Variants in MARCHF4 observed in about 807,000 individuals in gnomAD.
The protein encoded by MARCHF4 is E3 ubiquitin-protein ligase MARCHF4.
A neutral mutation model predicts 43.9 loss-of-function variants in MARCHF4; 14 were observed. That is an observed-to-expected ratio of 0.32 (90% CI 0.21 to 0.50). MARCHF4 has a LOEUF of 0.50. MARCHF4 is among the 20% of genes least tolerant of loss of function. MARCHF4 has a pLI of 0.98. For missense variants in MARCHF4, 468 were observed against 536.7 expected (o/e 0.87, Z 1.27); for synonymous variants, 226 against 213.3 (o/e 1.06, Z -0.52).
intron 1 of MARCHF4, among the ~76,000 whole-genome samples, chr2:216,299,715 T>C (rs146373833): frequency 1.3e-5 from 2 of 152,354 alleles, no homozygotes; most frequent in African/African-American, 4.8e-5. Context: ...TGCATATGCA[T>C]TCCAAAATTA....
chr2:216,269,101 A>G lies in MARCHF4; in HGVS notation c.865+8571T>C, dbSNP rs74330475. ...CTACTGTTTTAAAGCTTTGGAAATA[A>G]TCTCAGGAACATTCCTTTCCTTCCT... On this transcript the variant is annotated intron_variant, in intron 3 of 3. Coordinates refer to ENST00000273067, the MANE Select transcript of MARCHF4 (RefSeq NM_020814.3). Among the ~76,000 whole-genome samples the G allele has an allele frequency of 4.4e-3, 670 of 152,330 alleles. 7 individuals carry two copies. Among genetic ancestry groups the G allele is most frequent in the African/African-American group, 0.016 (651 of 41,582 alleles).
chr2:216,281,642 C>A (rs1403334844), intron 2 of MARCHF4, among the ~76,000 whole-genome samples: 1 of 152,200 alleles, frequency 6.6e-6, no homozygotes, highest in Non-Finnish European at 1.5e-5. Flanking sequence ...CAATTTGGAC[C>A]ACAACCACAC....
At chr2:216,281,090 G>A (rs1442665185) in intron 2 of MARCHF4, among the ~76,000 whole-genome samples, 1 of 132,448 alleles carries the variant, frequency 7.6e-6, no homozygotes, top group Non-Finnish European at 1.6e-5. Context: ...TTTTGAGACA[G>A]GATCTCGCTC....
chr2:216,333,970 T>A (rs1247229799), intron 1 of MARCHF4, among the ~76,000 whole-genome samples: 1 of 152,078 alleles, frequency 6.6e-6, no homozygotes, highest in East Asian at 1.9e-4. Flanking sequence ...ATTTTTTTTT[T>A]TTTTTTAAGA....
intron 1 of MARCHF4, among the ~76,000 whole-genome samples, chr2:216,358,191 A>T (rs946246057): frequency 5.3e-5 from 8 of 152,176 alleles, no homozygotes; most frequent in Non-Finnish European, 1.0e-4. Context: ...GGAAATTAAG[A>T]TTCTGAGTCT....
Position 216,259,666 on chromosome 2 carries a change from A to G in MARCHF4, c.879T>C (p.His293=). 3 of 1,613,714 alleles carry G rather than the reference A, an allele frequency of 1.9e-6. No homozygotes were observed. The highest frequency in any genetic ancestry group is 8.5e-7 in the Non-Finnish European group (1 of 1,179,660). The part of the protein sequence containing the change: ...MDVVCIGLII[H]EGPSVYRIFK... ...AGATGCGGTACACCGAGGGTCCTTC[A>G]TGGATGATGAGACCTGAGGCAGCAG... Residue 293 remains histidine, a synonymous_variant, in exon 4 of 4, where the codon CAT becomes CAC. Transcript: ENST00000273067.
intron 1 of MARCHF4, among the ~76,000 whole-genome samples, chr2:216,323,189 T>C (rs934682953): frequency 9.9e-5 from 15 of 152,142 alleles, no homozygotes; most frequent in Non-Finnish European, 1.8e-4. Context: ...CTTAAGCTTA[T>C]AGTAATTAAT....
At chr2:216,325,065 C>T (rs1691966845) in intron 1 of MARCHF4, among the ~76,000 whole-genome samples, 1 of 152,056 alleles carries the variant, frequency 6.6e-6, no homozygotes, top group Non-Finnish European at 1.5e-5. Context: ...TCTAGAAAAC[C>T]CCATTGTCTC....
At chr2:216,263,954 G>C (rs1690801970) in intron 3 of MARCHF4, among the ~76,000 whole-genome samples, 1 of 152,146 alleles carries the variant, frequency 6.6e-6, no homozygotes, top group Non-Finnish European at 1.5e-5. Context: ...GTGATGGTGG[G>C]TGAGATGATC....
chr2:216,272,447 G>T (rs1690954520), intron 3 of MARCHF4, among the ~76,000 whole-genome samples: 1 of 152,102 alleles, frequency 6.6e-6, no homozygotes, highest in African/African-American at 2.4e-5. Flanking sequence ...AATATTACTG[G>T]ACTAATTTCC....
At chr2:216,317,463 G>T (rs999031434) in intron 1 of MARCHF4, among the ~76,000 whole-genome samples, 1 of 152,040 alleles carries the variant, frequency 6.6e-6, no homozygotes, top group African/African-American at 2.4e-5. Flanking sequence ...GCCCAGGCTG[G>T]AGTGCAGTGG....
At chr2:216,329,532 G>T (rs1692051574) in intron 1 of MARCHF4, among the ~76,000 whole-genome samples, 1 of 151,494 alleles carries the variant, frequency 6.6e-6, no homozygotes, top group South Asian at 2.1e-4. Flanking sequence ...AAGAATAGAA[G>T]AACATATAAC....
At chr2:216,306,790 T>C (rs186650664) in intron 1 of MARCHF4, among the ~76,000 whole-genome samples, 91 of 152,292 alleles carry the variant, frequency 6.0e-4, no homozygotes, top group African/African-American at 2.1e-3. Context: ...ATACAGAGAC[T>C]CTGTGATACA....
At chr2:216,357,736 G>C (rs1390977928) in intron 1 of MARCHF4, among the ~76,000 whole-genome samples, 2 of 152,202 alleles carry the variant, frequency 1.3e-5, no homozygotes, top group African/African-American at 4.8e-5. Context: ...ACCCTCAAAT[G>C]ACTGTAGTTA....
chr2:216,259,772 T>G lies in MARCHF4; in HGVS notation c.866-93A>C. 7 of 1,287,974 alleles carry G rather than the reference T, an allele frequency of 5.4e-6. No individual in the cohort carries two copies. In the East Asian group the frequency reaches 1.4e-4, roughly 26 times the overall value. The allele number at this position is 1,287,974 out of a possible 1,614,324, so 79.8% of individuals were successfully genotyped here. Reference sequence around the variant, plus strand: ...AGTCTCTCTGAATCTATGCAAGGTATGGGCAATGGCTCCAGTGCTGAGCCA... The same window carrying G: ...AGTCTCTCTGAATCTATGCAAGGTAGGGGCAATGGCTCCAGTGCTGAGCCA... On this transcript the variant is annotated intron_variant, in intron 3 of 3. Transcript: ENST00000273067.
intron 1 of MARCHF4, among the ~76,000 whole-genome samples, chr2:216,334,229 C>T (rs1692123596): frequency 6.6e-6 from 1 of 152,128 alleles, no homozygotes; most frequent in Admixed American, 6.5e-5. Flanking sequence ...GGACTGACTG[C>T]TGTTGCTGGA....
Position 216,369,965 on chromosome 2 carries a change from C to T in MARCHF4, c.296G>A (p.Arg99Lys), listed in dbSNP as rs760150201. ...TGGAGGTGGCACAGGAGGGGGCTCC[C>T]TGCCCACCACTTCTCGGGGGCCCCT... ...GWRGPREVVG[R>K]EPPPVPPPPP... is the part of the protein sequence containing the mutation. Residue 99 changes from arginine to lysine, a missense_variant, in exon 1 of 4, where the codon AGG (arginine) becomes AAG (lysine). By Grantham distance (26) the Arg-to-Lys change is conservative. Coordinates refer to ENST00000273067, the MANE Select transcript of MARCHF4 (RefSeq NM_020814.3). The T allele has an allele frequency of 1.3e-6, 2 of 1,568,662 alleles. No individual in the cohort carries two copies. Among genetic ancestry groups the T allele is most frequent in the East Asian group, 4.7e-5 (2 of 42,792 alleles).
intron 1 of MARCHF4, among the ~76,000 whole-genome samples, chr2:216,342,574 G>C (rs1030623462): frequency 5.9e-5 from 9 of 152,274 alleles, no homozygotes; most frequent in African/African-American, 2.2e-4. Context: ...GTGGGAAGGG[G>C]TGTGAACCTG....
chr2:216,309,541 C>T (rs1691649028), intron 1 of MARCHF4, among the ~76,000 whole-genome samples: 1 of 152,232 alleles, frequency 6.6e-6, no homozygotes, highest in South Asian at 2.1e-4. Context: ...AGACTCCTAC[C>T]CTGGGACACA....
Sources: gnomAD v4.1 joint callset for allele counts (sites outside exome capture counted in the v4.1 genomes callset) on GRCh38, gnomAD v4.1.1 for gene constraint, MANE v1.5 for transcripts, NCBI Gene and HGNC (gene_info 2026-07-23, HGNC 2026-07-21) for gene names.